The following TAB2 variants were observed in gnomAD, a reference collection of about 807,000 sequenced individuals.
TAB2 encodes the protein TGF-beta activated kinase 1 (MAP3K7) binding protein 2.
A neutral mutation model predicts 65.0 loss-of-function variants in TAB2; 3 were observed. The observed-to-expected ratio is 0.05, with a 90% CI of 0.02 to 0.12. The LOEUF (loss-of-function observed/expected upper bound fraction) is 0.12, where lower values mean the gene tolerates loss of function less well. TAB2 is among the 10% of genes least tolerant of loss of function. The pLI is 1.00. For synonymous variants in TAB2, 298 were observed against 285.1 expected, an observed-to-expected ratio of 1.05 and a Z score of -0.46; for missense variants, 623 against 840.3, an observed-to-expected ratio of 0.74 and a Z score of 3.20.
At chr6:149,400,428 G>C (rs747878222) in intron 6 of TAB2, 1 of 1,614,176 alleles carries the variant, frequency 6.2e-7, no homozygotes, top group East Asian at 2.2e-5. Context: ...AGTCAAGACT[G>C]AGAACAACAA....
chr6:149,376,589 A>C (rs1781405266), intron 2 of TAB2, among the ~76,000 whole-genome samples: 1 of 152,226 alleles, frequency 6.6e-6, no homozygotes, highest in African/African-American at 2.4e-5. Flanking sequence ...TATTCTATGA[A>C]AACCATCAGG....
At chr6:149,234,853 T>A in intron 1 of TAB2, among the ~76,000 whole-genome samples, 1 of 137,182 alleles carries the variant, frequency 7.3e-6, no homozygotes. Context: ...ACGACTAAGA[T>A]TAGAGAGTGT....
chr6:149,223,250 T>G (rs191099588), intron 1 of TAB2, among the ~76,000 whole-genome samples: 1 of 152,368 alleles, frequency 6.6e-6, no homozygotes, highest in Admixed American at 6.5e-5. Flanking sequence ...CTGTTTTATG[T>G]TTCTGTGGTG....
intron 1 of TAB2, among the ~76,000 whole-genome samples, chr6:149,330,048 A>C (rs1779736446): frequency 6.6e-6 from 1 of 151,958 alleles, no homozygotes; most frequent in Non-Finnish European, 1.5e-5. Context: ...TTGTCACTTC[A>C]AGAATGTTAC....
intron 6 of TAB2, chr6:149,400,547 A>G (rs778430270): frequency 6.2e-7 from 1 of 1,614,220 alleles, no homozygotes; most frequent in African/African-American, 1.3e-5. Context: ...AACCACGGGG[A>G]TTGTCAGTGA....
In TAB2 at chr6:149,236,876, G is replaced by A. The variant is rs866119751; in HGVS notation, c.-121+18100G>A. 3.9e-5 allele frequency among the ~76,000 whole-genome samples: 6 copies of A among 152,282 alleles called. 1 individual carries two copies. The highest frequency in any genetic ancestry group is 3.9e-4 in the Admixed American group (6 of 15,294). The stretch of plus-strand genomic sequence containing the variant: ...GAATTAATAACCAGGAGACCAGTCA[G>A]CCAGAAGCAATTTTCAGCATAATCT... On this transcript the variant is annotated intron_variant, in intron 1 of 1. Coordinates refer to the TAB2 transcript ENST00000606202.
rs1160637055 is a variant in TAB2, at chr6:149,339,597, A to ATT, written c.-90+21584_-90+21585dup. On this transcript the variant is annotated intron_variant, in intron 1 of 6. Transcript: ENST00000637181. ...AATAATTAATCTTTTTTATTTATTT[A>ATT]TTTATTTATTTTTTTTTTTTTTTGA... is the stretch of plus-strand genomic sequence containing the variant. Among the ~76,000 whole-genome samples, 48 of 35,780 alleles carry ATT rather than the reference A, an allele frequency of 1.3e-3. 1 individual carries two copies. The highest frequency in any genetic ancestry group is 2.3e-3 in the African/African-American group (48 of 20,852). 23.5% of individuals were successfully genotyped at this position (35,780 alleles called of 152,430 possible).
chr6:149,304,615 G>A (rs753372263), intron 1 of TAB2, among the ~76,000 whole-genome samples: 2 of 152,154 alleles, frequency 1.3e-5, no homozygotes, highest in Admixed American at 6.5e-5. Context: ...CCTAGGTCCC[G>A]ACACTCTGCC....
intron 1 of TAB2, among the ~76,000 whole-genome samples, chr6:149,254,059 G>GAGGGAGGAAGGAAGGA (rs1431304582): frequency 9.6e-6 from 1 of 103,662 alleles, no homozygotes; most frequent in African/African-American, 3.7e-5. Flanking sequence ...GGGAGAGAGG[G>GAGGGAGGAAGGAAGGA]AGGAAGGAAG....
At chr6:149,223,925 G>A (rs944386566) in intron 1 of TAB2, among the ~76,000 whole-genome samples, 16 of 152,038 alleles carry the variant, frequency 1.1e-4, no homozygotes, top group Non-Finnish European at 7.4e-5. Context: ...TGTAGAGACT[G>A]TCATAAATAA....
chr6:149,277,811 C>T (rs1438361044), intron 1 of TAB2, among the ~76,000 whole-genome samples: 2 of 152,094 alleles, frequency 1.3e-5, no homozygotes, highest in Non-Finnish European at 2.9e-5. Context: ...TTTCCTTTAA[C>T]TGAGTCAAAA....
chr6:149,399,324 C>A, intron 6 of TAB2, 140 bp downstream of exon 6: 1 of 689,704 alleles, frequency 1.4e-6, no homozygotes, highest in Non-Finnish European at 2.6e-6. Flanking sequence ...AAGATGTTTG[C>A]TTATTTTCAT....
chr6:149,361,032 G>T (rs1323936286), intron 1 of TAB2, among the ~76,000 whole-genome samples: 1 of 152,218 alleles, frequency 6.6e-6, no homozygotes, highest in Non-Finnish European at 1.5e-5. Context: ...TGTTCTCGTG[G>T]GTTGGAGTTG....
At chr6:149,265,098 G>GAA (rs35134622) in intron 1 of TAB2, among the ~76,000 whole-genome samples, 33,005 of 143,300 alleles carry the variant, frequency 0.23, 3,832 homozygotes, top group East Asian at 0.42. Context: ...CTATGAAAAT[G>GAA]AAAAAAAAAA....
chr6:149,376,332 T>C (rs1781395800), intron 2 of TAB2, among the ~76,000 whole-genome samples: 3 of 152,246 alleles, frequency 2.0e-5, no homozygotes, highest in African/African-American at 7.2e-5. Flanking sequence ...TCATTGCTTA[T>C]AATACAGTCA....
intron 3 of TAB2, among the ~76,000 whole-genome samples, chr6:149,382,597 G>GA (rs572956751): frequency 8.5e-4 from 120 of 141,754 alleles, no homozygotes; most frequent in East Asian, 1.6e-3. Flanking sequence ...TTGTCTAAAG[G>GA]AAAAAAAAAA....
At chr6:149,301,762 C>T (rs568429200) in intron 1 of TAB2, among the ~76,000 whole-genome samples, 3 of 152,262 alleles carry the variant, frequency 2.0e-5, no homozygotes, top group Admixed American at 6.5e-5. Flanking sequence ...TCAACAAACA[C>T]TATTTACTGA....
At chr6:149,294,072 G>T (rs1281896288) in intron 1 of TAB2, among the ~76,000 whole-genome samples, 1 of 152,150 alleles carries the variant, frequency 6.6e-6, no homozygotes, top group Non-Finnish European at 1.5e-5. Flanking sequence ...ATCTGACTTT[G>T]CTAGAGAGTA....
chr6:149,305,495 A>G (rs1779048624), intron 1 of TAB2, among the ~76,000 whole-genome samples: 1 of 152,068 alleles, frequency 6.6e-6, no homozygotes. Context: ...CCTCCTAATT[A>G]CTTCCTTATC....
Sources: gnomAD v4.1 joint callset for allele counts (sites outside exome capture counted in the v4.1 genomes callset) on GRCh38, gnomAD v4.1.1 for gene constraint, MANE v1.5 for transcripts, NCBI Gene and HGNC (gene_info 2026-07-23, HGNC 2026-07-21) for gene names.